PCDH15: variants seen among roughly 807,000 people sequenced by gnomAD.
The protein encoded by PCDH15 is protocadherin-15.
A neutral mutation model predicts 178.5 loss-of-function variants in PCDH15; 129 were observed. The observed-to-expected ratio is 0.72, with a 90% CI of 0.63 to 0.84. PCDH15 has a LOEUF of 0.84. PCDH15 is among the 40% of genes least tolerant of loss of function. The pLI is 0.00. For synonymous variants in PCDH15, 800 were observed against 732.0 expected, an observed-to-expected ratio of 1.09 and a Z score of -1.50; for missense variants, 2,230 against 2,099.9, an observed-to-expected ratio of 1.06 and a Z score of -1.21.
At chr10:54,325,350 T>G (rs547652966) in intron 7 of PCDH15, among the ~76,000 whole-genome samples, 1 of 152,272 alleles carries the variant, frequency 6.6e-6, no homozygotes, top group African/African-American at 2.4e-5. Flanking sequence ...CCATATACTT[T>G]AAAGTCAAAA....
intron 2 of PCDH15, among the ~76,000 whole-genome samples, chr10:54,603,487 GTTTC>G (rs1323442006): frequency 2.7e-5 from 4 of 146,970 alleles, no homozygotes; most frequent in African/African-American, 5.0e-5. Flanking sequence ...TATTTGAGAT[GTTTC>G]TTTTTTTTTT....
intron 13 of PCDH15, among the ~76,000 whole-genome samples, chr10:54,179,627 ATAT>A (rs1296972260): frequency 6.6e-6 from 1 of 152,166 alleles, no homozygotes; most frequent in Non-Finnish European, 1.5e-5. Context: ...TACTTTTAAA[ATAT>A]TGTTGTTTAA....
chr10:54,185,162 C>G lies in PCDH15; in HGVS notation c.1412G>C (p.Arg471Thr). The G allele has an allele frequency of 6.2e-7, 1 of 1,613,568 alleles. No homozygotes were observed. The highest frequency in any genetic ancestry group is 8.5e-7 in the Non-Finnish European group (1 of 1,179,676). Residue 471 changes from arginine to threonine, a missense_variant, in exon 12 of 38, where the codon AGG (arginine) becomes ACG (threonine). Transcript: ENST00000644397. ...RYLTLLQPVD[R>T]EEQQTYTFSI... Reference sequence around the variant, plus strand: ...AAAGGTGTAAGTTTGCTGTTCTTCCCTGTCCACTGGTTGAAGTAAGGTGAG... The same window carrying G: ...AAAGGTGTAAGTTTGCTGTTCTTCCGTGTCCACTGGTTGAAGTAAGGTGAG...
At chr10:55,421,152 A>C (rs1260972379) in intron 2 of PCDH15, among the ~76,000 whole-genome samples, 1 of 151,566 alleles carries the variant, frequency 6.6e-6, no homozygotes, top group Admixed American at 6.6e-5. Flanking sequence ...GCCAAAAAGA[A>C]GTCAGAAAGC....
chr10:55,619,378 C>T (rs751418831), intron 2 of PCDH15, among the ~76,000 whole-genome samples: 55 of 151,840 alleles, frequency 3.6e-4, no homozygotes, highest in Non-Finnish European at 6.9e-4. Flanking sequence ...ACTTTAGTAA[C>T]GTCAAACAAA....
chr10:54,940,737 A>C (rs72800035), intron 2 of PCDH15, among the ~76,000 whole-genome samples: 9,552 of 151,896 alleles, frequency 0.063, 459 homozygotes, highest in Non-Finnish European at 0.1. Flanking sequence ...TGTAACTCTT[A>C]TATCTTTGTG....
chr10:54,020,699 C>T (rs1054019624), intron 19 of PCDH15, among the ~76,000 whole-genome samples: 1 of 151,552 alleles, frequency 6.6e-6, no homozygotes, highest in Non-Finnish European at 1.5e-5. Context: ...AAGATTTTGT[C>T]ATTGTTGACG....
At chr10:55,302,221 G>GAA (rs34809398) in intron 1 of PCDH15, among the ~76,000 whole-genome samples, 1 of 151,676 alleles carries the variant, frequency 6.6e-6, no homozygotes, top group African/African-American at 2.4e-5. Flanking sequence ...TCCACTCTAT[G>GAA]AAAAAAGTGT....
intron 2 of PCDH15, among the ~76,000 whole-genome samples, chr10:54,962,186 G>T (rs1040759536): frequency 1.3e-5 from 2 of 152,258 alleles, no homozygotes; most frequent in Admixed American, 6.5e-5. Flanking sequence ...CATGCTCCTG[G>T]ACTGTAGGAG....
chr10:54,994,560 T>C (rs768179143), intron 2 of PCDH15, among the ~76,000 whole-genome samples: 1 of 152,160 alleles, frequency 6.6e-6, no homozygotes, highest in African/African-American at 2.4e-5. Context: ...TTTCAGATTA[T>C]AGAAGTTTAC....
At chr10:54,828,092 C>T (rs1338315449) in intron 3 of PCDH15, among the ~76,000 whole-genome samples, 1 of 151,976 alleles carries the variant, frequency 6.6e-6, no homozygotes, top group Non-Finnish European at 1.5e-5. Context: ...ACCATTGGTA[C>T]TGATACCTTG....
chr10:54,037,615 G>T (rs578216854), intron 18 of PCDH15, among the ~76,000 whole-genome samples: 48 of 151,908 alleles, frequency 3.2e-4, no homozygotes, highest in Admixed American at 1.2e-3. Flanking sequence ...ATATTTATAT[G>T]CACTGGGAAA....
intron 2 of PCDH15, among the ~76,000 whole-genome samples, chr10:55,436,683 TATTA>T (rs1407591915): frequency 5.3e-5 from 8 of 152,130 alleles, no homozygotes; most frequent in Admixed American, 3.9e-4. Flanking sequence ...AATCTACCGA[TATTA>T]ATTGTCTCTG....
chr10:54,504,504 T>C (rs368421592), intron 3 of PCDH15, among the ~76,000 whole-genome samples: 3 of 152,274 alleles, frequency 2.0e-5, no homozygotes, highest in African/African-American at 7.2e-5. Context: ...TATTTTGGCT[T>C]TATTGTCATC....
chr10:54,069,105 G>T (rs1294003289), intron 17 of PCDH15, among the ~76,000 whole-genome samples: 1 of 152,108 alleles, frequency 6.6e-6, no homozygotes, highest in Non-Finnish European at 1.5e-5. Flanking sequence ...CAGTAAAGAA[G>T]ATGTGTTTTT....
chr10:55,216,409 G>C (rs901670076), intron 1 of PCDH15, among the ~76,000 whole-genome samples: 1 of 151,602 alleles, frequency 6.6e-6, no homozygotes, highest in South Asian at 2.1e-4. Flanking sequence ...TTACAAATAC[G>C]GTATACACCA....
chr10:54,396,483 G>C (rs1233595307), intron 3 of PCDH15, among the ~76,000 whole-genome samples: 1 of 151,900 alleles, frequency 6.6e-6, no homozygotes, highest in East Asian at 1.9e-4. Flanking sequence ...TATCAGAATT[G>C]AGGAAAAAAA....
At chr10:54,513,252 TA>T (rs1935346000) in intron 3 of PCDH15, among the ~76,000 whole-genome samples, 1 of 145,908 alleles carries the variant, frequency 6.9e-6, no homozygotes, top group African/African-American at 2.5e-5. Context: ...TTTATTTATT[TA>T]TTTATTTATT....
chr10:54,288,423 C>T (rs933537116), intron 8 of PCDH15, among the ~76,000 whole-genome samples: 2 of 152,140 alleles, frequency 1.3e-5, no homozygotes, highest in African/African-American at 4.8e-5. Context: ...TGAATAGGAA[C>T]AGCTCCGGTC....
Sources: gnomAD v4.1 joint callset for allele counts (sites outside exome capture counted in the v4.1 genomes callset) on GRCh38, gnomAD v4.1.1 for gene constraint, MANE v1.5 for transcripts, NCBI Gene and HGNC (gene_info 2026-07-23, HGNC 2026-07-21) for gene names.